Variants in ADAMTS2 observed in about 807,000 individuals in gnomAD.
The protein encoded by ADAMTS2 is A disintegrin and metalloproteinase with thrombospondin motifs 2.
In ADAMTS2, 50 loss-of-function variants were observed where a neutral mutation model predicts 123.0. The ratio of observed to expected loss-of-function variants is 0.41; its 90% confidence interval spans 0.32 to 0.51. ADAMTS2 has a LOEUF of 0.51. ADAMTS2 is among the 20% of genes least tolerant of loss of function. The probability of loss-of-function intolerance (pLI) is 0.35; values close to 1 mark genes in which losing one functional copy is unlikely to be tolerated. For missense variants in ADAMTS2, 1,494 were observed against 1,705.2 expected, an observed-to-expected ratio of 0.88 and a Z score of 2.18; for synonymous variants, 678 against 695.4, an observed-to-expected ratio of 0.98 and a Z score of 0.39.
chr5:179,166,961 G>A (rs1008522093), intron 5 of ADAMTS2, among the ~76,000 whole-genome samples: 4 of 152,206 alleles, frequency 2.6e-5, no homozygotes, highest in African/African-American at 9.6e-5. Flanking sequence ...ATGAACACGA[G>A]CACCCTCAGG....
In ADAMTS2 at chr5:179,185,535, T is replaced by C. The variant is rs949757088; in HGVS notation, c.892-4380A>G. On this transcript the variant is annotated intron_variant, in intron 4 of 21. Coordinates refer to ENST00000251582, the MANE Select transcript of ADAMTS2 (RefSeq NM_014244.5). The surrounding 1 kb of genome is among the most constrained non-coding windows in gnomAD (Gnocchi z 5.9). ...TACCCCTGGGGCCGAAGGTGGCAGC[T>C]CTCATCTCAAGAAGGAATCTTGTGT... Among the ~76,000 whole-genome samples, 3 of 152,024 alleles carry C rather than the reference T, an allele frequency of 2.0e-5. No individual in the cohort carries two copies. The highest frequency in any genetic ancestry group is 4.8e-5 in the African/African-American group (2 of 41,402).
intron 5 of ADAMTS2, among the ~76,000 whole-genome samples, chr5:179,178,775 A>C (rs561596224): frequency 1.4e-4 from 21 of 152,246 alleles, no homozygotes; most frequent in Non-Finnish European, 3.1e-4. Context: ...GTTGCTGTTG[A>C]AATTCATTCA....
intron 2 of ADAMTS2, among the ~76,000 whole-genome samples, chr5:179,283,846 T>C (rs934115288): frequency 5.3e-5 from 8 of 151,062 alleles, no homozygotes; most frequent in African/African-American, 1.9e-4. Flanking sequence ...GCCGAGATCA[T>C]GTCACTGCAC....
At chr5:179,182,643 G>A (rs1313238850) in intron 4 of ADAMTS2, among the ~76,000 whole-genome samples, 1 of 152,140 alleles carries the variant, frequency 6.6e-6, no homozygotes, top group Non-Finnish European at 1.5e-5. Flanking sequence ...ACCCTGCTGA[G>A]GGTACCATCC....
chr5:179,191,218 G>A (rs252073), intron 4 of ADAMTS2, among the ~76,000 whole-genome samples: 41 of 152,354 alleles, frequency 2.7e-4, no homozygotes, highest in Non-Finnish European at 5.9e-4. Context: ...CAGGGATTCT[G>A]ATTCTTGCTA....
chr5:179,272,763 T>C lies in ADAMTS2; in HGVS notation c.688+148A>G. On this transcript the variant is annotated intron_variant, in intron 3 of 21. Coordinates refer to ENST00000251582, the MANE Select transcript of ADAMTS2 (RefSeq NM_014244.5). The surrounding 1 kb of genome is among the most constrained non-coding windows in gnomAD (Gnocchi z 5.8). Reference sequence around the variant, plus strand: ...TACGCCCTGCCGTCAGCCAGGCAGCTGGCCCATTTCTGAGCCACTGAGACC... The same window carrying C: ...TACGCCCTGCCGTCAGCCAGGCAGCCGGCCCATTTCTGAGCCACTGAGACC... The C allele has an allele frequency of 9.6e-7, 1 of 1,038,910 alleles. No homozygotes were observed. Among genetic ancestry groups the C allele is most frequent in the Non-Finnish European group, 1.4e-6 (1 of 729,552 alleles). 64.4% of individuals were successfully genotyped at this position (1,038,910 alleles called of 1,614,324 possible). A position where few individuals can be genotyped will look rare whatever the true frequency, so the allele number is the denominator to read the frequency against.
intron 2 of ADAMTS2, among the ~76,000 whole-genome samples, chr5:179,273,860 G>A (rs992266069): frequency 6.6e-6 from 1 of 152,004 alleles, no homozygotes; most frequent in South Asian, 2.1e-4. Flanking sequence ...TCTATATGCT[G>A]GCATTCAGGC....
chr5:179,173,050 A>G (rs1031591193), intron 5 of ADAMTS2, among the ~76,000 whole-genome samples: 1 of 151,352 alleles, frequency 6.6e-6, no homozygotes, highest in Non-Finnish European at 1.5e-5. Context: ...ACAAAAAAAA[A>G]AAGAAAAAAA....
chr5:179,138,777 C>T (rs1022940961), intron 11 of ADAMTS2, among the ~76,000 whole-genome samples: 3 of 152,164 alleles, frequency 2.0e-5, no homozygotes, highest in East Asian at 1.9e-4. Flanking sequence ...TCCGCGGAGC[C>T]GTGACTGCGG....
intron 4 of ADAMTS2, among the ~76,000 whole-genome samples, chr5:179,201,631 C>CAAAAAAAAA (rs58141791): frequency 1.1e-3 from 99 of 91,706 alleles, no homozygotes; most frequent in Admixed American, 1.6e-3. Flanking sequence ...ACTAAAAATA[C>CAAAAAAAAA]AAAAAAAAAA....
Position 179,341,097 on chromosome 5 carries a change from C to T in ADAMTS2, c.534+2670G>A, listed in dbSNP as rs959738215. Among the ~76,000 whole-genome samples, 12 of 152,312 alleles carry T rather than the reference C, an allele frequency of 7.9e-5. 1 individual carries two copies. Among genetic ancestry groups the T allele is most frequent in the African/African-American group, 2.6e-4 (11 of 41,564 alleles). ...TGTAACCAGGGATGAGATGCCTCCC[C>T]GACCAGGGCTCTGTGAGGACAAGAG... On this transcript the variant is annotated intron_variant, in intron 2 of 21. Coordinates refer to ENST00000251582, the MANE Select transcript of ADAMTS2 (RefSeq NM_014244.5).
chr5:179,304,821 A>G (rs1406698876), intron 2 of ADAMTS2, among the ~76,000 whole-genome samples: 3 of 152,218 alleles, frequency 2.0e-5, no homozygotes, highest in Admixed American at 6.5e-5. Context: ...AAATTCTGTG[A>G]AATGCATAAA....
At chr5:179,229,761 T>C (rs1462738211) in intron 3 of ADAMTS2, among the ~76,000 whole-genome samples, 1 of 152,156 alleles carries the variant, frequency 6.6e-6, no homozygotes, top group Non-Finnish European at 1.5e-5. Context: ...TTTAATTACG[T>C]TAATTGTCCA....
intron 2 of ADAMTS2, among the ~76,000 whole-genome samples, chr5:179,274,198 G>A (rs567232381): frequency 1.3e-5 from 2 of 152,070 alleles, no homozygotes; most frequent in South Asian, 4.1e-4. Flanking sequence ...GACAACTCCA[G>A]CTCCTACACT....
At chr5:179,263,818 G>A (rs1293082333) in intron 3 of ADAMTS2, among the ~76,000 whole-genome samples, 1 of 152,268 alleles carries the variant, frequency 6.6e-6, no homozygotes, top group Non-Finnish European at 1.5e-5. Flanking sequence ...ACGCCCATCT[G>A]ACTGCGCGAC....
chr5:179,250,910 C>T lies in ADAMTS2; in HGVS notation c.688+22001G>A, dbSNP rs576774073. ...ACGCATCCTGCCCGCACATTGCTTC[C>T]GCCAGTGGAGCCCCAGCTGAAACAC... On this transcript the variant is annotated intron_variant, in intron 3 of 21. Coordinates refer to ENST00000251582, the MANE Select transcript of ADAMTS2 (RefSeq NM_014244.5). Among the ~76,000 whole-genome samples the T allele has an allele frequency of 1.5e-4, 23 of 152,362 alleles. No homozygotes were observed. The East Asian group carries it at 3.1e-3, about 20-fold the overall frequency.
At chr5:179,297,082 C>T (rs1189485765) in intron 2 of ADAMTS2, among the ~76,000 whole-genome samples, 11 of 152,098 alleles carry the variant, frequency 7.2e-5, no homozygotes. Flanking sequence ...CCAAGCTTTA[C>T]AAACCAAGGG....
intron 3 of ADAMTS2, among the ~76,000 whole-genome samples, chr5:179,261,207 T>C (rs2113488740): frequency 6.6e-6 from 1 of 152,306 alleles, no homozygotes; most frequent in African/African-American, 2.4e-5. Flanking sequence ...GACTTAGGAA[T>C]AGGAGACATG....
chr5:179,139,816 G>A, intron 11 of ADAMTS2, 74 bp downstream of exon 11: 2 of 1,597,026 alleles, frequency 1.3e-6, no homozygotes, highest in Non-Finnish European at 1.7e-6. Flanking sequence ...CTCCAGGACA[G>A]GGCTGGCTGG....
Sources: allele counts gnomAD v4.1 joint callset (sites outside exome capture counted in the v4.1 genomes callset), GRCh38; gene constraint gnomAD v4.1.1; non-coding constraint Gnocchi (gnomAD v3.1); transcripts MANE v1.5; gene names NCBI Gene and HGNC (gene_info 2026-07-23, HGNC 2026-07-21).